The following ERICH6B variants were observed in gnomAD, a reference collection of about 807,000 sequenced individuals.
The protein encoded by ERICH6B is glutamate-rich protein 6B.
ERICH6B carries 69 observed loss-of-function variants against 80.0 expected under a neutral mutation model. That is an observed-to-expected ratio of 0.86 (90% CI 0.71 to 1.05). The LOEUF (loss-of-function observed/expected upper bound fraction) is 1.05. Among genes scored for constraint, ERICH6B ranks in the 50% least tolerant of loss-of-function variants. The probability of loss-of-function intolerance (pLI) is 0.00; values close to 1 mark genes in which losing one functional copy is unlikely to be tolerated. For synonymous variants in ERICH6B, 283 were observed against 291.9 expected, an observed-to-expected ratio of 0.97 and a Z score of 0.31; for missense variants, 754 against 796.1, an observed-to-expected ratio of 0.95 and a Z score of 0.64.
Position 45,606,526 on chromosome 13 carries a change from TATATATATATATATATATA to T in ERICH6B, c.-59+1019_-59+1037del, listed in dbSNP as rs1949863762. Among the ~76,000 whole-genome samples the T allele has an allele frequency of 1.2e-4, 4 of 33,946 alleles. 1 individual carries two copies. Among genetic ancestry groups the T allele is most frequent in the Non-Finnish European group, 1.6e-4 (3 of 19,330 alleles). The allele number at this position is 33,946 out of a possible 152,430, so 22.3% of individuals were successfully genotyped here. ...ATGTGTATATATATATATATATATATATATATATATATATATATATATTTTTTTTTTTTTTTTTTTTTTT... is the reference window on the plus strand; with the variant it reads ...ATGTGTATATATATATATATATATATTATTTTTTTTTTTTTTTTTTTTTTT... On this transcript the variant is annotated intron_variant, in intron 2 of 14. Transcript: ENST00000298738.
intron 9 of ERICH6B, among the ~76,000 whole-genome samples, chr13:45,564,615 C>T (rs1339706269): frequency 1.3e-5 from 2 of 152,206 alleles, no homozygotes; most frequent in African/African-American, 4.8e-5. Flanking sequence ...GCAATGGTTC[C>T]CTTATTCGTA....
chr13:45,543,662 C>T (rs1191779536), intron 14 of ERICH6B, among the ~76,000 whole-genome samples: 2 of 152,250 alleles, frequency 1.3e-5, no homozygotes, highest in Non-Finnish European at 2.9e-5. Context: ...ACACCTTGAT[C>T]TCAGACTTGG....
At chr13:45,558,743 T>C (rs1874538785) in intron 11 of ERICH6B, among the ~76,000 whole-genome samples, 1 of 152,224 alleles carries the variant, frequency 6.6e-6, no homozygotes, top group Admixed American at 6.5e-5. Flanking sequence ...TTTATTGACT[T>C]GGATATGGTA....
chr13:45,610,520 C>G (rs368591161), intron 1 of ERICH6B, among the ~76,000 whole-genome samples: 2 of 152,204 alleles, frequency 1.3e-5, no homozygotes, highest in East Asian at 3.8e-4. Flanking sequence ...GCCATGGTCT[C>G]TGTGAATTGA....
chr13:45,587,325 T>C, intron 4 of ERICH6B, 93 bp from the exon 5 acceptor site: 1 of 1,115,476 alleles, frequency 9.0e-7, no homozygotes, highest in Non-Finnish European at 1.3e-6. Context: ...GGGGTGCTCT[T>C]GATGTCCAGA....
chr13:45,550,333 A>G lies in ERICH6B; in HGVS notation c.1408-17T>C. On this transcript the variant is annotated splice_polypyrimidine_tract_variant and intron_variant, in intron 11 of 14. Coordinates refer to ENST00000298738, the MANE Select transcript of ERICH6B (RefSeq NM_182542.3). ...TTGATGCACCTGGGAAGAAAAGACAAGCCTATGAAAAGTGTGAAAAGTACA... is the reference window on the plus strand; with the variant it reads ...TTGATGCACCTGGGAAGAAAAGACAGGCCTATGAAAAGTGTGAAAAGTACA... 9 of 1,547,042 alleles carry G rather than the reference A, an allele frequency of 5.8e-6. No homozygotes were observed. The highest frequency in any genetic ancestry group is 7.9e-6 in the Non-Finnish European group (9 of 1,142,978).
intron 11 of ERICH6B, among the ~76,000 whole-genome samples, chr13:45,557,653 T>A (rs930942901): frequency 1.2e-4 from 19 of 152,210 alleles, no homozygotes; most frequent in African/African-American, 3.6e-4. Flanking sequence ...ACATGTTGCT[T>A]GCCAATTATC....
rs566924072 is a variant in ERICH6B, at chr13:45,541,533, T to C, written c.2020A>G (p.Ile674Val). The C allele has an allele frequency of 1.9e-6, 3 of 1,552,152 alleles. No individual in the cohort carries two copies. The East Asian group carries it at 7.3e-5, about 38-fold the overall frequency. ...ATCAGTGATATACTGACGGCCTCTA[T>C]GAAGTTTTCCAGATCAGGGGTGGTC... Reference protein sequence around the residue: ...YATTPDLENFIEAVSISLMDN... With the variant: ...YATTPDLENFVEAVSISLMDN... Residue 674 changes from isoleucine to valine, a missense_variant, in exon 15 of 15, where the codon ATA (isoleucine) becomes GTA (valine). By Grantham distance (29) the Ile-to-Val change is conservative (BLOSUM62 3). Coordinates refer to ENST00000298738, the MANE Select transcript of ERICH6B (RefSeq NM_182542.3).
At chr13:45,592,468 T>C (rs575879440) in intron 3 of ERICH6B, among the ~76,000 whole-genome samples, 31 of 152,344 alleles carry the variant, frequency 2.0e-4, no homozygotes, top group Admixed American at 4.6e-4. Context: ...GAAATGGTAG[T>C]TGGGACACCA....
At chr13:45,545,917 T>C (rs1311817502) in intron 13 of ERICH6B, among the ~76,000 whole-genome samples, 5 of 152,250 alleles carry the variant, frequency 3.3e-5, no homozygotes, top group Non-Finnish European at 5.9e-5. Context: ...TATATATGTA[T>C]GTATTTCCCC....
intron 12 of ERICH6B, 22 bp from the exon 13 acceptor site, chr13:45,550,067 A>G (rs1874154796): frequency 6.4e-7 from 1 of 1,550,884 alleles, no homozygotes; most frequent in Admixed American, 2.0e-5. Context: ...TTAAGGCACA[A>G]GTAGTCAGTC....
intron 1 of ERICH6B, among the ~76,000 whole-genome samples, chr13:45,612,773 C>T (rs1025651621): frequency 1.3e-5 from 2 of 152,126 alleles, no homozygotes; most frequent in Non-Finnish European, 2.9e-5. Flanking sequence ...AGCAAGCATT[C>T]TAGATTTCAA....
At chr13:45,562,372 C>T (rs1157678696) in intron 10 of ERICH6B, among the ~76,000 whole-genome samples, 1 of 152,226 alleles carries the variant, frequency 6.6e-6, no homozygotes, top group Non-Finnish European at 1.5e-5. Context: ...ACTTGGTTTT[C>T]ATTTCATAGC....
chr13:45,551,841 G>A lies in ERICH6B; in HGVS notation c.1408-1525C>T, dbSNP rs1337806213. On this transcript the variant is annotated intron_variant, in intron 11 of 14. Transcript: ENST00000298738. ...GCCCTCATTTTGCTTTTCCACCATG[G>A]GATGATGAAACAAGAACCCCCTTGC... Among the ~76,000 whole-genome samples, 3 of 152,032 alleles carry A rather than the reference G, an allele frequency of 2.0e-5. No individual in the cohort carries two copies. The South Asian group carries it at 6.2e-4, about 32-fold the overall frequency.
In ERICH6B at chr13:45,596,875, T is replaced by C. The variant is rs754620987; in HGVS notation, c.131A>G (p.Gln44Arg). The change falls in exon 3 of 15, where the codon CAG becomes CGG. Residue 44 changes from glutamine to arginine, a missense_variant. By Grantham distance (43) the Gln-to-Arg change is conservative. Coordinates refer to ENST00000298738, the MANE Select transcript of ERICH6B (RefSeq NM_182542.3). The stretch of plus-strand genomic sequence containing the variant: ...CTCTGGAGAAAATGGAGATTCATCC[T>C]GTAGACTTTCCTCATCTAGTTCTAC... ...TEVELDEESL[Q>R]DESPFSPEGE... is the part of the protein sequence containing the mutation. 5.2e-6 allele frequency: 8 copies of C among 1,551,716 alleles called. No homozygotes were observed. The African/African-American group carries it at 1.1e-4, about 21-fold the overall frequency.
intron 7 of ERICH6B, among the ~76,000 whole-genome samples, chr13:45,575,686 G>C (rs1875370740): frequency 6.6e-6 from 1 of 152,202 alleles, no homozygotes; most frequent in Non-Finnish European, 1.5e-5. Flanking sequence ...GAGCCAGTGA[G>C]TTGGATGGAG....
chr13:45,544,770 G>T lies in ERICH6B; in HGVS notation c.1862C>A (p.Thr621Asn), dbSNP rs1224681738. 6.4e-7 allele frequency: 1 copy of T among 1,551,636 alleles called. No individual in the cohort carries two copies. Among genetic ancestry groups the T allele is most frequent in the South Asian group, 1.2e-5 (1 of 84,064 alleles). Residue 621 changes from threonine (T) to asparagine (N), a missense_variant, in exon 14 of 15, where the codon ACC (threonine) becomes AAC (asparagine). Physicochemically the swap from Thr to Asn is moderately conservative, Grantham distance 65. Coordinates refer to ENST00000298738, the MANE Select transcript of ERICH6B (RefSeq NM_182542.3). ...EQKQICLNLG[T>N]RYKFVIPEVL... ...GAGTTGTGACCTTACCTTGTACCTG[G>T]TGCCCAGGTTTAAACAAATCTGCTT...
intron 6 of ERICH6B, 31 bp downstream of exon 6, chr13:45,580,572 A>G (rs1555304697): frequency 6.5e-7 from 1 of 1,549,204 alleles, no homozygotes; most frequent in South Asian, 1.2e-5. Context: ...ACTAACTTCT[A>G]CAGATCATTT....
chr13:45,579,415 T>C (rs1875561333), intron 7 of ERICH6B, among the ~76,000 whole-genome samples: 1 of 152,238 alleles, frequency 6.6e-6, no homozygotes, highest in South Asian at 2.1e-4. Flanking sequence ...TGCAGGCTTT[T>C]GTTTTGTGGA....
Sources: gnomAD v4.1 joint callset for allele counts (sites outside exome capture counted in the v4.1 genomes callset) on GRCh38, gnomAD v4.1.1 for gene constraint, MANE v1.5 for transcripts, NCBI Gene and HGNC (gene_info 2026-07-23, HGNC 2026-07-21) for gene names.